HAUS7: variants seen among roughly 807,000 people sequenced by gnomAD.
HAUS7 encodes HAUS augmin-like complex subunit 7.
A neutral mutation model predicts 28.4 loss-of-function variants in HAUS7; 3 were observed. That is an observed-to-expected ratio of 0.11 (90% CI 0.05 to 0.27). The LOEUF (loss-of-function observed/expected upper bound fraction) is 0.27. Among genes scored for constraint, HAUS7 ranks in the 10% least tolerant of loss-of-function variants. The pLI, the probability that HAUS7 is intolerant of heterozygous loss-of-function variation, is 1.00. For synonymous variants in HAUS7, 165 were observed against 132.1 expected (o/e 1.25, Z -1.71); for missense variants, 284 against 297.3 (o/e 0.96, Z 0.33).
chrX:153,482,137 C>T (rs1298310111), intron 1 of HAUS7, among the ~76,000 whole-genome samples: 1 of 112,305 alleles, frequency 8.9e-6, no homozygotes, highest in Non-Finnish European at 1.9e-5. Flanking sequence ...GCAGCACAGG[C>T]TTGCAGGCCC....
chrX:153,463,831 G>A (rs1556983847), intron 3 of HAUS7, among the ~76,000 whole-genome samples: 1 of 112,802 alleles, frequency 8.9e-6, no homozygotes, highest in Non-Finnish European at 1.9e-5. Context: ...GCCATCTTAT[G>A]TCAAGACAGC....
At position 153,447,826 on chromosome X, in the gene HAUS7, C is replaced by CAA. The variant is rs2089181525; in HGVS notation, c.*51_*52insTT. ...CGGCCAACTCGATCTTGGGAGAGGG[C>CAA]TTCCTGCCCGCCCCATCCTGTGCTT... On this transcript the variant is annotated 3_prime_UTR_variant, in exon 10 of 10. Transcript: ENST00000370211. 9.5e-7 allele frequency: 1 copy of CAA among 1,057,387 alleles called. No homozygotes were observed. The highest frequency in any genetic ancestry group is 1.3e-6 in the Non-Finnish European group (1 of 754,418). The allele number at this position is 1,057,387 out of a possible 1,213,427, so 87.1% of individuals were successfully genotyped here. A position where few individuals can be genotyped will look rare whatever the true frequency, so the allele number is the denominator to read the frequency against.
chrX:153,489,613 G>A (rs1362255424), intron 1 of HAUS7, among the ~76,000 whole-genome samples: 6 of 112,520 alleles, frequency 5.3e-5, no homozygotes, highest in Non-Finnish European at 1.1e-4. Context: ...AGTAAGGACA[G>A]TGGGGACAGC....
chrX:153,462,615 G>C lies in HAUS7; in HGVS notation c.349C>G (p.Leu117Val). ...MLCAPDDQEL[L>V]KGCACAQKQL... ...GCAGACAGAGGCCCTCTTACCTTGAGGAGCTCCTGGTCATCTGGCGCACAC... is the reference window on the plus strand; with the variant it reads ...GCAGACAGAGGCCCTCTTACCTTGACGAGCTCCTGGTCATCTGGCGCACAC... Residue 117 changes from leucine to valine, a missense_variant, in exon 4 of 10, where the codon CTC becomes GTC. By Grantham distance (32) the Leu-to-Val change is conservative (BLOSUM62 1). Coordinates refer to ENST00000370211, the MANE Select transcript of HAUS7 (RefSeq NM_001385482.1). The C allele has an allele frequency of 8.3e-7, 1 of 1,198,265 alleles. No individual in the cohort carries two copies. Among genetic ancestry groups the C allele is most frequent in the Non-Finnish European group, 1.1e-6 (1 of 882,751 alleles).
chrX:153,463,194 G>C (rs910143095), intron 3 of HAUS7: 1 of 315,650 alleles, frequency 3.2e-6, no homozygotes, highest in South Asian at 2.8e-5. Flanking sequence ...AGGGTGCCCA[G>C]GGCATTTTCT....
chrX:153,486,562 T>C, intron 1 of HAUS7: 6 of 868,848 alleles, frequency 6.9e-6, no homozygotes, highest in Non-Finnish European at 9.2e-6. Context: ...CTGTCTCTTC[T>C]TGAATGATGC....
intron 1 of HAUS7, among the ~76,000 whole-genome samples, chrX:153,489,798 T>C (rs1349594874): frequency 1.8e-5 from 2 of 112,626 alleles, no homozygotes; most frequent in African/African-American, 3.2e-5. Flanking sequence ...TGCCCCTCAC[T>C]GGCCCCCCAC....
intron 1 of HAUS7, chrX:153,479,301 G>A (rs782017388): frequency 4.0e-6 from 3 of 746,265 alleles, no homozygotes; most frequent in Non-Finnish European, 4.7e-6. Context: ...CACTGTGGGC[G>A]GGGAGCTGCT....
chrX:153,455,784 G>A lies in HAUS7; in HGVS notation c.706-18C>T. 1 of 1,053,235 alleles carries A rather than the reference G, an allele frequency of 9.5e-7. No homozygotes were observed. Among genetic ancestry groups the A allele is most frequent in the Non-Finnish European group, 1.3e-6 (1 of 758,727 alleles). 86.8% of individuals were successfully genotyped at this position (1,053,235 alleles called of 1,213,427 possible). On this transcript the variant is annotated intron_variant, in intron 7 of 9. Transcript: ENST00000370211. ...GCAAAGTACTGCAAAGCCAGAGGCA[G>A]AGTCCCTTGAGGCTGCCCTGCCCAC...
chrX:153,472,455 C>A (rs1326057826), upstream of HAUS7, among the ~76,000 whole-genome samples: 2 of 102,481 alleles, frequency 2.0e-5, no homozygotes, highest in Non-Finnish European at 4.0e-5. Flanking sequence ...ACCTGCCACC[C>A]ACCACCCGCC....
chrX:153,462,214 C>G (rs182345278), intron 4 of HAUS7: 2 of 1,041,210 alleles, frequency 1.9e-6, no homozygotes, highest in East Asian at 3.5e-5. Context: ...TTTGACCTAC[C>G]GCAGGGTAGA....
chrX:153,448,138 C>T (rs2089187034), intron 9 of HAUS7, among the ~76,000 whole-genome samples: 1 of 110,234 alleles, frequency 9.1e-6, no homozygotes, highest in Non-Finnish European at 1.9e-5. Context: ...GACTTGGAAC[C>T]AACCCAAATG....
chrX:153,470,502 T>G lies in HAUS7; in HGVS notation c.56A>C (p.Glu19Ala). The G allele has an allele frequency of 6.6e-6, 8 of 1,205,368 alleles. No homozygotes were observed. Among genetic ancestry groups the G allele is most frequent in the Middle Eastern group, 2.3e-4 (1 of 4,322 alleles). Residue 19 changes from glutamate (E) to alanine (A), a missense_variant, in exon 1 of 10, where the codon GAG becomes GCG. Glu to Ala is a moderately radical substitution (Grantham distance 107). Coordinates refer to ENST00000370211, the MANE Select transcript of HAUS7 (RefSeq NM_001385482.1). ...GRGGDDYSEDEGDSSVSRAAV... is the reference protein window; with the variant it reads ...GRGGDDYSEDAGDSSVSRAAV... ...CGCCCTGGACACGCTGCTGTCGCCC[T>G]CGTCCTCTGAGTAGTCGTCGCCGCC...
At chrX:153,492,138 G>A (rs1352050621) in intron 1 of HAUS7, among the ~76,000 whole-genome samples, 2 of 112,775 alleles carry the variant, frequency 1.8e-5, no homozygotes, top group Admixed American at 9.2e-5. Flanking sequence ...TGCGCCCCCC[G>A]TGCCTGCCTT....
upstream of HAUS7, among the ~76,000 whole-genome samples, chrX:153,474,111 A>T (rs2089546520): frequency 8.9e-6 from 1 of 112,339 alleles, no homozygotes; most frequent in South Asian, 3.6e-4. Flanking sequence ...CTCTGGAGGG[A>T]CCACACTGTC....
intron 6 of HAUS7, 49 bp from the exon 7 acceptor site, chrX:153,456,413 T>C: frequency 8.5e-7 from 1 of 1,174,170 alleles, no homozygotes; most frequent in Non-Finnish European, 1.2e-6. Flanking sequence ...GCCAGGGGTG[T>C]CTGCAGTAAC....
chrX:153,452,069 A>G (rs1260203100), intron 9 of HAUS7, among the ~76,000 whole-genome samples: 1 of 112,820 alleles, frequency 8.9e-6, no homozygotes, highest in Non-Finnish European at 1.9e-5. Flanking sequence ...AAGAAAGTGA[A>G]GAGACTCATC....
At chrX:153,457,515 T>C (rs1446272580) in intron 4 of HAUS7, among the ~76,000 whole-genome samples, 7 of 113,255 alleles carry the variant, frequency 6.2e-5, no homozygotes, top group African/African-American at 1.6e-4. Context: ...GCCGACAGCA[T>C]GGCTTGCTGG....
upstream of HAUS7, among the ~76,000 whole-genome samples, chrX:153,472,097 C>T (rs367587396): frequency 1.1e-4 from 12 of 111,479 alleles, no homozygotes; most frequent in East Asian, 2.3e-3. Context: ...GAAGAAACCA[C>T]GGCAGTGTGG....
Sources: gnomAD v4.1 joint callset for allele counts (sites outside exome capture counted in the v4.1 genomes callset) on GRCh38, gnomAD v4.1.1 for gene constraint, MANE v1.5 for transcripts, NCBI Gene and HGNC (gene_info 2026-07-23, HGNC 2026-07-21) for gene names.